PEPD: variants seen among roughly 807,000 people sequenced by gnomAD.
The protein encoded by PEPD is xaa-Pro dipeptidase.
In PEPD, 53 loss-of-function variants were observed where a neutral mutation model predicts 60.7. That is an observed-to-expected ratio of 0.87 (90% CI 0.70 to 1.10). The LOEUF (loss-of-function observed/expected upper bound fraction) is 1.10, where lower values mean the gene tolerates loss of function less well. Among genes scored for constraint, PEPD ranks in the 50% least tolerant of loss-of-function variants. The pLI is 0.00. For missense variants in PEPD, 711 were observed against 711.9 expected (o/e 1.00, Z 0.01); for synonymous variants, 267 against 284.1 (o/e 0.94, Z 0.60).
chr19:33,392,649 C>A (rs181321179), intron 12 of PEPD, among the ~76,000 whole-genome samples: 4 of 152,236 alleles, frequency 2.6e-5, no homozygotes, highest in East Asian at 3.9e-4. Flanking sequence ...GGCGGAGTGA[C>A]CTTGGCTCCC....
intron 11 of PEPD, among the ~76,000 whole-genome samples, chr19:33,405,134 A>C (rs1217754910): frequency 1.3e-5 from 2 of 152,144 alleles, no homozygotes; most frequent in Non-Finnish European, 2.9e-5. Context: ...CTCACTCCCC[A>C]CATGTGTTCT....
intron 9 of PEPD, among the ~76,000 whole-genome samples, chr19:33,459,486 G>A (rs77359410): frequency 0.011 from 1,698 of 152,248 alleles, 26 homozygotes; most frequent in South Asian, 0.071. Context: ...GAAATAATAG[G>A]AGGCGGAAAA....
chr19:33,437,044 A>G (rs1445922992), intron 9 of PEPD, among the ~76,000 whole-genome samples: 1 of 152,182 alleles, frequency 6.6e-6, no homozygotes, highest in African/African-American at 2.4e-5. Context: ...GAGGAGCAGC[A>G]ACCAGGCAGA....
intron 9 of PEPD, among the ~76,000 whole-genome samples, chr19:33,440,594 C>G (rs139653307): frequency 3.3e-5 from 5 of 152,138 alleles, no homozygotes; most frequent in African/African-American, 1.2e-4. Flanking sequence ...CTCAGTCCCT[C>G]GCCCACTTTG....
intron 1 of PEPD, among the ~76,000 whole-genome samples, chr19:33,517,803 A>C (rs113992360): frequency 0.093 from 14,005 of 151,116 alleles, 687 homozygotes; most frequent in East Asian, 0.14. Context: ...CATCCCTATT[A>C]AAAATACAAA....
intron 3 of PEPD, among the ~76,000 whole-genome samples, chr19:33,507,097 C>T (rs112889011): frequency 0.041 from 6,222 of 152,230 alleles, 181 homozygotes; most frequent in Non-Finnish European, 0.063. Flanking sequence ...TCCCACCATA[C>T]CCGCATCCAT....
chr19:33,475,563 G>A (rs914210342), intron 7 of PEPD, among the ~76,000 whole-genome samples: 16 of 152,152 alleles, frequency 1.1e-4, no homozygotes, highest in African/African-American at 3.6e-4. Flanking sequence ...ACGCGGGCTC[G>A]ACCTCAAAGC....
At chr19:33,456,276 G>A (rs914091623) in intron 9 of PEPD, among the ~76,000 whole-genome samples, 8 of 152,052 alleles carry the variant, frequency 5.3e-5, no homozygotes, top group African/African-American at 2.4e-5. Flanking sequence ...CAGGATGGAC[G>A]GGCACACAGG....
intron 9 of PEPD, among the ~76,000 whole-genome samples, chr19:33,450,166 C>T (rs995355974): frequency 2.6e-5 from 4 of 152,194 alleles, no homozygotes; most frequent in Non-Finnish European, 5.9e-5. Context: ...AACTTTATGG[C>T]CTGAGTTGCT....
At chr19:33,420,166 G>C (rs1012510205) in intron 9 of PEPD, among the ~76,000 whole-genome samples, 2 of 151,622 alleles carry the variant, frequency 1.3e-5, no homozygotes, top group African/African-American at 4.9e-5. Context: ...GAGTTCCTCG[G>C]ATCAGTTACG....
chr19:33,431,721 G>A (rs1174405604), intron 9 of PEPD, among the ~76,000 whole-genome samples: 3 of 152,126 alleles, frequency 2.0e-5, no homozygotes, highest in Non-Finnish European at 4.4e-5. Context: ...GGCAGGTCGT[G>A]GTGGCTCAAG....
chr19:33,464,340 GAGA>G (rs1969981140), intron 7 of PEPD, among the ~76,000 whole-genome samples: 1 of 152,194 alleles, frequency 6.6e-6, no homozygotes, highest in Non-Finnish European at 1.5e-5. Flanking sequence ...GCTGCGGTGG[GAGA>G]AGAAGCCTGG....
At chr19:33,436,830 G>A (rs1046775396) in intron 9 of PEPD, among the ~76,000 whole-genome samples, 2 of 152,178 alleles carry the variant, frequency 1.3e-5, no homozygotes, top group East Asian at 1.9e-4. Context: ...CCCTGGGGCC[G>A]GTTCATTGGG....
intron 4 of PEPD, among the ~76,000 whole-genome samples, chr19:33,495,987 C>CA (rs756702315): frequency 2.0e-5 from 3 of 151,418 alleles, no homozygotes; most frequent in Non-Finnish European, 1.5e-5. Context: ...GTATCAAAAA[C>CA]AAAAAACAAA....
At chr19:33,453,317 A>AAAAAAAAAAAAAAAT (rs1555762504) in intron 9 of PEPD, among the ~76,000 whole-genome samples, 4 of 148,754 alleles carry the variant, frequency 2.7e-5, no homozygotes, top group African/African-American at 7.5e-5. Flanking sequence ...CTGTCATAAA[A>AAAAAAAAAAAAAAAT]AAATAAATAA....
rs1302179679 is a variant in PEPD, at chr19:33,512,471, GAA to G, written c.201+120_201+121del. 3.2e-6 allele frequency: 3 copies of G among 937,468 alleles called. No homozygotes were observed. The African/African-American group carries it at 4.9e-5, about 15-fold the overall frequency. 58.1% of individuals were successfully genotyped at this position (937,468 alleles called of 1,614,324 possible). On this transcript the variant is annotated intron_variant, in intron 2 of 14. Transcript: ENST00000244137. ...GCCCCTGGACCACTTCCCAGGCGAG[GAA>G]ACAGAGGCTCAGGGAGGGCCACAAG... is the stretch of plus-strand genomic sequence containing the variant.
At chr19:33,521,009 T>C (rs1030268123) in intron 1 of PEPD, among the ~76,000 whole-genome samples, 1 of 152,322 alleles carries the variant, frequency 6.6e-6, no homozygotes. Flanking sequence ...CCTTTGTCCC[T>C]TACCCTGGGC....
chr19:33,468,077 G>A (rs997987533), intron 7 of PEPD, among the ~76,000 whole-genome samples: 32 of 152,138 alleles, frequency 2.1e-4, no homozygotes, highest in African/African-American at 7.2e-4. Context: ...GGAGAGGCAC[G>A]AGCCCTTTCG....
chr19:33,456,792 G>A (rs1315781692), intron 9 of PEPD, among the ~76,000 whole-genome samples: 9 of 152,122 alleles, frequency 5.9e-5, no homozygotes, highest in Admixed American at 5.9e-4. Context: ...CACCCTTTGT[G>A]GGGGTGGCTA....
Sources: gnomAD v4.1 joint callset for allele counts (sites outside exome capture counted in the v4.1 genomes callset) on GRCh38, gnomAD v4.1.1 for gene constraint, MANE v1.5 for transcripts, NCBI Gene and HGNC (gene_info 2026-07-23, HGNC 2026-07-21) for gene names.